Variants in LHFPL6 observed in about 807,000 individuals in gnomAD.
The protein encoded by LHFPL6 is LHFPL tetraspan subfamily member 6.
LHFPL6 carries 9 observed loss-of-function variants against 20.6 expected under a neutral mutation model. That is an observed-to-expected ratio of 0.44 (90% CI 0.26 to 0.76). LHFPL6 has a LOEUF of 0.76. Among genes scored for constraint, LHFPL6 ranks in the 30% least tolerant of loss-of-function variants. The pLI is 0.20. For missense variants in LHFPL6, 218 were observed against 253.5 expected (o/e 0.86, Z 0.95); for synonymous variants, 105 against 98.7 (o/e 1.06, Z -0.38).
At chr13:39,429,990 T>C (rs1214730332) in intron 2 of LHFPL6, among the ~76,000 whole-genome samples, 2 of 152,250 alleles carry the variant, frequency 1.3e-5, no homozygotes, top group African/African-American at 4.8e-5. Context: ...CTGAGATCTT[T>C]GCTTTTTCCA....
At chr13:39,591,069 T>G (rs1872576744) in intron 2 of LHFPL6, among the ~76,000 whole-genome samples, 1 of 152,242 alleles carries the variant, frequency 6.6e-6, no homozygotes, top group Non-Finnish European at 1.5e-5. Context: ...TAGCTGCTAA[T>G]AAGTCCAAGT....
intron 2 of LHFPL6, among the ~76,000 whole-genome samples, chr13:39,440,781 T>A (rs7317775): frequency 0.23 from 34,854 of 151,938 alleles, 4,275 homozygotes; most frequent in East Asian, 0.53. Context: ...CTCCCACAAT[T>A]CCCACGTGTC....
intron 2 of LHFPL6, among the ~76,000 whole-genome samples, chr13:39,595,273 T>C (rs552505603): frequency 6.6e-6 from 1 of 152,332 alleles, no homozygotes; most frequent in Admixed American, 6.5e-5. Context: ...TGGTGCTCAC[T>C]GTCAGCCGCC....
intron 2 of LHFPL6, among the ~76,000 whole-genome samples, chr13:39,433,549 A>G (rs1308506951): frequency 6.6e-6 from 1 of 152,226 alleles, no homozygotes; most frequent in Non-Finnish European, 1.5e-5. Context: ...ACATCTGGAC[A>G]TGTACATCTG....
chr13:39,422,933 A>G (rs1871536169), intron 2 of LHFPL6, among the ~76,000 whole-genome samples: 1 of 152,208 alleles, frequency 6.6e-6, no homozygotes, highest in South Asian at 2.1e-4. Flanking sequence ...GCAGCAAGGA[A>G]AAGTGCAGAG....
intron 2 of LHFPL6, among the ~76,000 whole-genome samples, chr13:39,398,730 G>A (rs1870906197): frequency 6.6e-6 from 1 of 152,180 alleles, no homozygotes; most frequent in South Asian, 2.1e-4. Flanking sequence ...GGGAGCGGTG[G>A]GCAAGTGAGC....
chr13:39,486,799 G>A (rs1467237745), intron 2 of LHFPL6, among the ~76,000 whole-genome samples: 1 of 152,144 alleles, frequency 6.6e-6, no homozygotes, highest in Non-Finnish European at 1.5e-5. Flanking sequence ...GTTCCTTGCT[G>A]GATTACTCTG....
At chr13:39,436,806 C>T (rs1380170620) in intron 2 of LHFPL6, among the ~76,000 whole-genome samples, 2 of 152,192 alleles carry the variant, frequency 1.3e-5, no homozygotes, top group Admixed American at 6.5e-5. Context: ...TTCAACATCC[C>T]AGTGTGTGCC....
chr13:39,413,758 C>T (rs1871289656), intron 2 of LHFPL6, among the ~76,000 whole-genome samples: 1 of 152,136 alleles, frequency 6.6e-6, no homozygotes, highest in African/African-American at 2.4e-5. Context: ...GCTGAAGACA[C>T]CATGTAAACT....
chr13:39,508,612 C>T (rs1270593752), intron 2 of LHFPL6, among the ~76,000 whole-genome samples: 1 of 152,100 alleles, frequency 6.6e-6, no homozygotes, highest in African/African-American at 2.4e-5. Context: ...GCTTCTTTCA[C>T]TCAGCATAAT....
intron 2 of LHFPL6, among the ~76,000 whole-genome samples, chr13:39,507,522 T>C (rs1290370950): frequency 6.6e-6 from 1 of 152,160 alleles, no homozygotes; most frequent in Non-Finnish European, 1.5e-5. Context: ...GCTTGTCAAA[T>C]ACCATCAGTA....
At chr13:39,353,284 T>A (rs958102505) in intron 3 of LHFPL6, among the ~76,000 whole-genome samples, 3 of 151,452 alleles carry the variant, frequency 2.0e-5, no homozygotes, top group East Asian at 4.0e-4. Context: ...CCACGCCTGA[T>A]CCTAAATAAA....
At chr13:39,523,428 G>A (rs1870178173) in intron 2 of LHFPL6, among the ~76,000 whole-genome samples, 1 of 152,116 alleles carries the variant, frequency 6.6e-6, no homozygotes, top group Non-Finnish European at 1.5e-5. Context: ...AATTAACCGG[G>A]CGAGGTGGCG....
At chr13:39,467,718 T>C (rs1326437574) in intron 2 of LHFPL6, among the ~76,000 whole-genome samples, 1 of 152,172 alleles carries the variant, frequency 6.6e-6, no homozygotes, top group Non-Finnish European at 1.5e-5. Context: ...CAGGTGAACT[T>C]TGTCCCCAAG....
intron 2 of LHFPL6, among the ~76,000 whole-genome samples, chr13:39,416,778 A>G (rs1456289696): frequency 6.6e-6 from 1 of 152,236 alleles, no homozygotes; most frequent in Non-Finnish European, 1.5e-5. Context: ...GAGGTGGTAG[A>G]AAAAATTTGT....
Position 39,529,260 on chromosome 13 carries a change from T to A in LHFPL6, c.385+71572A>T, listed in dbSNP as rs1870386773. On this transcript the variant is annotated intron_variant, in intron 2 of 3. Coordinates refer to ENST00000379589, the MANE Select transcript of LHFPL6 (RefSeq NM_005780.3). ...GCACCCGCCACCATGCCTGGCTAAT[T>A]TTTGTATTTTTAATAGAGACAGGGT... 2.6e-5 allele frequency among the ~76,000 whole-genome samples: 4 copies of A among 151,996 alleles called. No homozygotes were observed. The South Asian group carries it at 8.3e-4, about 32-fold the overall frequency.
intron 2 of LHFPL6, among the ~76,000 whole-genome samples, chr13:39,445,345 A>G (rs1426415267): frequency 2.0e-5 from 3 of 152,202 alleles, no homozygotes; most frequent in African/African-American, 7.2e-5. Flanking sequence ...GGCTTTAACA[A>G]TACTTAGGTT....
At chr13:39,519,899 C>A (rs1377870873) in intron 2 of LHFPL6, among the ~76,000 whole-genome samples, 1 of 152,078 alleles carries the variant, frequency 6.6e-6, no homozygotes. Flanking sequence ...ACATTCAAGC[C>A]ACTGTTTGCA....
intron 2 of LHFPL6, among the ~76,000 whole-genome samples, chr13:39,402,340 T>G (rs944252558): frequency 3.9e-5 from 6 of 152,118 alleles, no homozygotes; most frequent in Non-Finnish European, 8.8e-5. Flanking sequence ...TCCTCCCACC[T>G]CAGCCTACTG....
Sources: gnomAD v4.1 joint callset for allele counts (sites outside exome capture counted in the v4.1 genomes callset) on GRCh38, gnomAD v4.1.1 for gene constraint, MANE v1.5 for transcripts, NCBI Gene and HGNC (gene_info 2026-07-23, HGNC 2026-07-21) for gene names.